The following LRRC7 variants were observed in gnomAD, a reference collection of about 807,000 sequenced individuals.
The protein encoded by LRRC7 is leucine rich repeat containing 7, also known as leucine-rich repeat-containing protein 7.
LRRC7 carries 23 observed loss-of-function variants against 175.7 expected under a neutral mutation model. That is an observed-to-expected ratio of 0.13 (90% CI 0.09 to 0.19). LRRC7 has a LOEUF of 0.19. Ranked by LOEUF, LRRC7 falls within the 10% of genes least tolerant of loss-of-function variation. The pLI is 1.00. For synonymous variants in LRRC7, 685 were observed against 680.9 expected (o/e 1.01, Z -0.09); for missense variants, 1,354 against 1,904.7 (o/e 0.71, Z 5.38).
chr1:69,836,366 C>T (rs918050177), intron 6 of LRRC7, among the ~76,000 whole-genome samples: 3 of 151,992 alleles, frequency 2.0e-5, no homozygotes, highest in Non-Finnish European at 4.4e-5. Flanking sequence ...AGAAACTAGC[C>T]TTGCCTTTCT....
intron 25 of LRRC7, among the ~76,000 whole-genome samples, chr1:70,099,329 A>G (rs1664645839): frequency 7.6e-6 from 1 of 130,888 alleles, no homozygotes; most frequent in Non-Finnish European, 1.6e-5. Context: ...TCTCAAAATA[A>G]TAAGAGCTAT....
intron 7 of LRRC7, among the ~76,000 whole-genome samples, chr1:69,861,865 G>A (rs1684395099): frequency 6.6e-6 from 1 of 152,186 alleles, no homozygotes; most frequent in African/African-American, 2.4e-5. Context: ...ACAGAGACAA[G>A]TGCCTGTCAG....
At chr1:69,941,206 G>A (rs748748483) in intron 8 of LRRC7, among the ~76,000 whole-genome samples, 7 of 152,086 alleles carry the variant, frequency 4.6e-5, no homozygotes, top group Non-Finnish European at 7.4e-5. Context: ...TTAATTTGTG[G>A]AGTGGGAGAG....
intron 25 of LRRC7, among the ~76,000 whole-genome samples, chr1:70,097,162 C>G (rs1362376388): frequency 1.3e-5 from 2 of 152,108 alleles, no homozygotes; most frequent in African/African-American, 2.4e-5. Flanking sequence ...TCATTCTGCT[C>G]TACACCACCT....
chr1:70,076,233 C>T lies in LRRC7; in HGVS notation c.4387C>T (p.Pro1463Ser), dbSNP rs778300251. The change falls in exon 24 of 27, where the codon CCT becomes TCT. Residue 1463 changes from proline (P) to serine (S), a missense_variant. Physicochemically the swap from Pro to Ser is moderately conservative, Grantham distance 74. Transcript: ENST00000651989. ...QIPSSQATRG[P>S]QPGRCLIQTK... ...CCCCTCTTCACAGGCCACCCGGGGA[C>T]CTCAGCCTGGACGGTGCTTAATTCA... 1.2e-5 allele frequency: 19 copies of T among 1,614,068 alleles called. No individual in the cohort carries two copies. Among genetic ancestry groups the T allele is most frequent in the Non-Finnish European group, 1.6e-5 (19 of 1,179,968 alleles).
At chr1:69,940,469 A>T (rs1223986602) in intron 8 of LRRC7, among the ~76,000 whole-genome samples, 1 of 152,110 alleles carries the variant, frequency 6.6e-6, no homozygotes, top group African/African-American at 2.4e-5. Context: ...ATCTCCATGC[A>T]GTCAAATACC....
At chr1:69,881,744 G>A (rs187850117) in intron 7 of LRRC7, among the ~76,000 whole-genome samples, 2 of 151,868 alleles carry the variant, frequency 1.3e-5, no homozygotes, top group Non-Finnish European at 2.9e-5. Flanking sequence ...ACCAAGAGTG[G>A]TAGTGCATGC....
intron 18 of LRRC7, among the ~76,000 whole-genome samples, chr1:70,035,769 T>A (rs1213266843): frequency 1.3e-5 from 2 of 152,148 alleles, no homozygotes; most frequent in African/African-American, 2.4e-5. Flanking sequence ...TTATCATAAT[T>A]CAGTCTGGTG....
intron 11 of LRRC7, among the ~76,000 whole-genome samples, chr1:70,006,108 G>A (rs974368632): frequency 3.3e-5 from 5 of 151,914 alleles, no homozygotes; most frequent in Admixed American, 3.3e-4. Flanking sequence ...CACCAACAAG[G>A]TCAGCTGGAA....
chr1:69,579,857 C>T (rs554739377), intron 1 of LRRC7, among the ~76,000 whole-genome samples: 1 of 139,778 alleles, frequency 7.2e-6, no homozygotes, highest in African/African-American at 2.7e-5. Context: ...TGGTCTCAAA[C>T]TCCTGGGCTG....
chr1:69,580,258 A>T (rs1646141349), intron 1 of LRRC7, among the ~76,000 whole-genome samples: 1 of 152,176 alleles, frequency 6.6e-6, no homozygotes, highest in Non-Finnish European at 1.5e-5. Flanking sequence ...TAGTGTCACA[A>T]CTACAGAAAT....
intron 4 of LRRC7, among the ~76,000 whole-genome samples, chr1:69,814,649 A>ACTACTACTAT (rs1253399989): frequency 6.6e-6 from 1 of 152,148 alleles, no homozygotes; most frequent in Non-Finnish European, 1.5e-5. Context: ...TACACTTTTA[A>ACTACTACTAT]CTACTACTAT....
intron 25 of LRRC7, among the ~76,000 whole-genome samples, chr1:70,106,756 G>C (rs990551062): frequency 1.3e-5 from 2 of 152,104 alleles, no homozygotes; most frequent in Admixed American, 6.6e-5. Flanking sequence ...AAATTTCCCA[G>C]ATATAACAGG....
At chr1:69,714,095 C>T (rs539013455) in intron 2 of LRRC7, among the ~76,000 whole-genome samples, 96 of 152,264 alleles carry the variant, frequency 6.3e-4, no homozygotes, top group African/African-American at 2.2e-3. Context: ...CACCAATTCA[C>T]CTTGCTCTCC....
At position 69,720,516 on chromosome 1, in the gene LRRC7, A is replaced by G. The variant is rs1666233421; in HGVS notation, c.101-39675A>G. Among the ~76,000 whole-genome samples the G allele has an allele frequency of 4.0e-5, 6 of 151,656 alleles. No individual in the cohort carries two copies. The South Asian group carries it at 1.2e-3, about 31-fold the overall frequency. On this transcript the variant is annotated intron_variant, in intron 2 of 26. Coordinates refer to ENST00000651989, the MANE Select transcript of LRRC7 (RefSeq NM_001370785.2). ...TATTTACCTGCACATTTACTTTTCC[A>G]TTGTCATTCATTTCTTTTGCATATC...
intron 1 of LRRC7, among the ~76,000 whole-genome samples, chr1:69,669,470 T>A (rs1169923801): frequency 6.6e-6 from 1 of 152,194 alleles, no homozygotes; most frequent in Non-Finnish European, 1.5e-5. Flanking sequence ...TGTTACTTGT[T>A]TTTTTGCACT....
chr1:69,966,209 T>C (rs1387349753), intron 8 of LRRC7, among the ~76,000 whole-genome samples: 3 of 152,170 alleles, frequency 2.0e-5, no homozygotes, highest in Non-Finnish European at 4.4e-5. Context: ...CCAATTTGCA[T>C]TTATTAATTT....
At chr1:69,744,469 C>T (rs756608475) in intron 2 of LRRC7, among the ~76,000 whole-genome samples, 1 of 151,758 alleles carries the variant, frequency 6.6e-6, no homozygotes, top group African/African-American at 2.4e-5. Context: ...TTGTCTCCAT[C>T]GATGTTCATT....
intron 1 of LRRC7, among the ~76,000 whole-genome samples, chr1:69,674,809 T>C (rs1659559089): frequency 6.6e-6 from 1 of 152,142 alleles, no homozygotes; most frequent in African/African-American, 2.4e-5. Context: ...TCAACAGTAC[T>C]ATCTGTTTTC....
Sources: allele counts gnomAD v4.1 joint callset (sites outside exome capture counted in the v4.1 genomes callset), GRCh38; gene constraint gnomAD v4.1.1; transcripts MANE v1.5; gene names NCBI Gene and HGNC (gene_info 2026-07-23, HGNC 2026-07-21).